The following SGCD variants were observed in gnomAD, a reference collection of about 807,000 sequenced individuals.
SGCD encodes delta-sarcoglycan.
SGCD carries 18 observed loss-of-function variants against 36.6 expected under a neutral mutation model. That is an observed-to-expected ratio of 0.49 (90% CI 0.34 to 0.73). The LOEUF (loss-of-function observed/expected upper bound fraction) is 0.73, where lower values mean the gene tolerates loss of function less well. Ranked by LOEUF, SGCD falls within the 30% of genes least tolerant of loss-of-function variation. The pLI is 0.01. For synonymous variants in SGCD, 133 were observed against 130.6 expected, an observed-to-expected ratio of 1.02 and a Z score of -0.12; for missense variants, 387 against 346.7, an observed-to-expected ratio of 1.12 and a Z score of -0.92.
At chr5:156,452,787 C>T (rs1034695210) in intron 3 of SGCD, among the ~76,000 whole-genome samples, 2 of 152,040 alleles carry the variant, frequency 1.3e-5, no homozygotes, top group African/African-American at 4.8e-5. Flanking sequence ...GGAATGATGG[C>T]TCATGTCAAT....
At chr5:155,810,438 C>T in the SGCD span, among the ~76,000 whole-genome samples, 3 of 152,032 alleles carry the variant, frequency 2.0e-5, no homozygotes. Context: ...TGTTTTTATC[C>T]TTCTTCTAAA....
upstream of SGCD, among the ~76,000 whole-genome samples, chr5:155,869,165 A>T (rs1408831995): frequency 6.6e-6 from 1 of 152,200 alleles, no homozygotes; most frequent in Non-Finnish European, 1.5e-5. Flanking sequence ...TTTAATAGAC[A>T]TGAATTTCAT....
intron 1 of SGCD, among the ~76,000 whole-genome samples, chr5:155,972,045 A>G (rs1054842369): frequency 6.6e-6 from 1 of 152,182 alleles, no homozygotes; most frequent in Non-Finnish European, 1.5e-5. Context: ...GCTATTGGTT[A>G]GGAATAGAAT....
intron 3 of SGCD, among the ~76,000 whole-genome samples, chr5:156,124,296 G>A (rs180892025): frequency 6.6e-6 from 1 of 152,280 alleles, no homozygotes. Flanking sequence ...AGATGTTTGT[G>A]CAGGTGTCTC....
At chr5:155,986,768 G>A (rs1252213077) in intron 1 of SGCD, among the ~76,000 whole-genome samples, 5 of 152,060 alleles carry the variant, frequency 3.3e-5, no homozygotes, top group South Asian at 2.1e-4. Flanking sequence ...GAGGTTATGC[G>A]GTGATCATTG....
At chr5:156,452,977 G>T (rs76606160) in intron 3 of SGCD, among the ~76,000 whole-genome samples, 5,525 of 152,154 alleles carry the variant, frequency 0.036, 141 homozygotes, top group East Asian at 0.12. Flanking sequence ...AGCTACATTA[G>T]GTAGAATAGT....
At position 156,183,581 on chromosome 5, in the gene SGCD, T is replaced by C. The variant is rs148245479; in HGVS notation, c.-44+59562T>C. The stretch of plus-strand genomic sequence containing the variant: ...CACCACTATACCTGCCTAATTTTTG[T>C]ATTTTTAGTAGAGACGAGGTTTCAC... On this transcript the variant is annotated intron_variant, in intron 3 of 9. Transcript: ENST00000517913. Among the ~76,000 whole-genome samples, 637 of 152,252 alleles carry C rather than the reference T, an allele frequency of 4.2e-3. 5 individuals carry two copies. The highest frequency in any genetic ancestry group is 0.015 in the African/African-American group (614 of 41,540).
At chr5:155,949,565 T>C (rs1216266608) in intron 1 of SGCD, among the ~76,000 whole-genome samples, 1 of 152,224 alleles carries the variant, frequency 6.6e-6, no homozygotes, top group Non-Finnish European at 1.5e-5. Context: ...GTGTTCACTC[T>C]ATCTCAGAGG....
At chr5:155,908,607 A>G (rs1756571252) in intron 1 of SGCD, among the ~76,000 whole-genome samples, 1 of 152,122 alleles carries the variant, frequency 6.6e-6, no homozygotes, top group Non-Finnish European at 1.5e-5. Context: ...TAAAGAACAC[A>G]GTGGTTGAGG....
the SGCD span, among the ~76,000 whole-genome samples, chr5:155,751,751 T>C: frequency 6.6e-6 from 1 of 152,166 alleles, no homozygotes; most frequent in African/African-American, 2.4e-5. Context: ...CACATTATTT[T>C]GCTCAAACAA....
At chr5:155,741,928 A>T in the SGCD span, among the ~76,000 whole-genome samples, 5 of 151,598 alleles carry the variant, frequency 3.3e-5, no homozygotes, top group Non-Finnish European at 4.4e-5. Context: ...CAGAAAATCC[A>T]CCTGCCTTGG....
At chr5:156,653,493 CT>C (rs111458843) in intron 7 of SGCD, among the ~76,000 whole-genome samples, 507 of 48,118 alleles carry the variant, frequency 0.011, 57 homozygotes, top group African/African-American at 0.029. Flanking sequence ...CTAAAGCTTG[CT>C]TTTTTTTTTT....
At chr5:156,600,121 C>A (rs1002231320) in intron 6 of SGCD, among the ~76,000 whole-genome samples, 2 of 152,088 alleles carry the variant, frequency 1.3e-5, no homozygotes, top group African/African-American at 4.8e-5. Context: ...AGGTAGTTAG[C>A]ATATTCAACA....
At chr5:156,453,481 G>T (rs1243572079) in intron 3 of SGCD, among the ~76,000 whole-genome samples, 1 of 152,142 alleles carries the variant, frequency 6.6e-6, no homozygotes, top group Non-Finnish European at 1.5e-5. Flanking sequence ...ATTCACAATA[G>T]CCCCAAACTG....
At chr5:156,585,125 G>A (rs1760441038) in intron 4 of SGCD, among the ~76,000 whole-genome samples, 1 of 152,140 alleles carries the variant, frequency 6.6e-6, no homozygotes, top group South Asian at 2.1e-4. Flanking sequence ...TAGCTGAATA[G>A]GAATGCTACA....
chr5:155,862,314 A>G, the SGCD span, among the ~76,000 whole-genome samples: 1 of 152,072 alleles, frequency 6.6e-6, no homozygotes, highest in Non-Finnish European at 1.5e-5. Context: ...GGATAGCCAT[A>G]TCAGAATTAG....
At chr5:156,478,486 A>G (rs1489971685) in intron 3 of SGCD, among the ~76,000 whole-genome samples, 1 of 152,236 alleles carries the variant, frequency 6.6e-6, no homozygotes. Context: ...TATCCTACTC[A>G]GCAATTCTGT....
chr5:156,667,744 G>A (rs1753111746), intron 7 of SGCD, among the ~76,000 whole-genome samples: 1 of 152,178 alleles, frequency 6.6e-6, no homozygotes, highest in African/African-American at 2.4e-5. Flanking sequence ...CTAGAACACA[G>A]GACGAGTTCT....
intron 4 of SGCD, among the ~76,000 whole-genome samples, chr5:156,530,569 T>C (rs902194442): frequency 3.4e-5 from 5 of 147,876 alleles, no homozygotes; most frequent in African/African-American, 1.2e-4. Context: ...TTTCTTTTCC[T>C]TTTTTTTTTC....
Sources: allele counts gnomAD v4.1 joint callset (sites outside exome capture counted in the v4.1 genomes callset), GRCh38; gene constraint gnomAD v4.1.1; transcripts MANE v1.5; gene names NCBI Gene and HGNC (gene_info 2026-07-23, HGNC 2026-07-21).